MAMDC2: variants seen among roughly 807,000 people sequenced by gnomAD.
MAMDC2 encodes MAM domain-containing protein 2.
A neutral mutation model predicts 89.8 loss-of-function variants in MAMDC2; 57 were observed. The ratio of observed to expected loss-of-function variants is 0.63; its 90% CI spans 0.51 to 0.79. The LOEUF is 0.79. MAMDC2 is among the 30% of genes least tolerant of loss of function. The probability of loss-of-function intolerance (pLI) is 0.00; values close to 1 mark genes in which losing one functional copy is unlikely to be tolerated. For synonymous variants in MAMDC2, 313 were observed against 293.4 expected (o/e 1.07, Z -0.68); for missense variants, 800 against 820.6 (o/e 0.97, Z 0.31).
At chr9:70,206,543 C>A (rs1211390268) in intron 11 of MAMDC2, among the ~76,000 whole-genome samples, 1 of 152,108 alleles carries the variant, frequency 6.6e-6, no homozygotes. Context: ...ATAGTCCCCT[C>A]GATGTTACTC....
intron 2 of MAMDC2, among the ~76,000 whole-genome samples, chr9:70,061,382 C>G (rs953779429): frequency 2.0e-5 from 3 of 152,154 alleles, no homozygotes; most frequent in Admixed American, 2.0e-4. Flanking sequence ...TCCTGCCTCC[C>G]AAAGCACTGT....
At chr9:70,053,305 A>T (rs1244948128) in intron 2 of MAMDC2, among the ~76,000 whole-genome samples, 1 of 152,242 alleles carries the variant, frequency 6.6e-6, no homozygotes, top group Non-Finnish European at 1.5e-5. Context: ...AAGATAATAA[A>T]ACAAGTGGTA....
intron 9 of MAMDC2, among the ~76,000 whole-genome samples, chr9:70,164,009 C>T (rs183581676): frequency 1.7e-4 from 26 of 150,616 alleles, no homozygotes; most frequent in African/African-American, 6.3e-4. Context: ...AAGGACTGCA[C>T]ATAACAGGAA....
intron 11 of MAMDC2, among the ~76,000 whole-genome samples, chr9:70,185,667 C>A (rs1477550490): frequency 6.6e-6 from 1 of 152,172 alleles, no homozygotes; most frequent in African/African-American, 2.4e-5. Flanking sequence ...ACTTCCTGGC[C>A]TCCTTAGCAC....
In MAMDC2 at chr9:70,044,601, G is replaced by A. The variant is rs1317571530; in HGVS notation, c.52G>A (p.Ala18Thr). The change falls in exon 2 of 14, where the codon GCC becomes ACC. Residue 18 changes from alanine to threonine, a missense_variant. By Grantham distance (58) the Ala-to-Thr change is moderately conservative. Transcript: ENST00000377182. ...LALQALQLAG[A>T]LDLPAGSCAF... ...GCCCGCAGCCCTGCAGCTCGCCGGT[G>A]CCCTCGACCTGCCCGCTGGGTCCTG... 6.4e-7 allele frequency: 1 copy of A among 1,550,418 alleles called. No homozygotes were observed. The highest frequency in any genetic ancestry group is 1.2e-5 in the South Asian group (1 of 84,004).
chr9:70,140,812 C>G (rs2031188816), intron 8 of MAMDC2, among the ~76,000 whole-genome samples: 1 of 152,112 alleles, frequency 6.6e-6, no homozygotes, highest in Non-Finnish European at 1.5e-5. Flanking sequence ...GTATATTTTA[C>G]TATAATTTAA....
rs552709549 is a variant in MAMDC2 at position 70,168,629 on chromosome 9, G to T, written c.1405-73G>T. ...TGCCTATGCTCGCCTGCTGTGCTAA[G>T]TGAATCCCAGGTTGTTAGGAGTTTC... is the stretch of plus-strand genomic sequence containing the variant. On this transcript the variant is annotated intron_variant, in intron 9 of 13. Coordinates refer to ENST00000377182, the MANE Select transcript of MAMDC2 (RefSeq NM_153267.5). 3 of 1,238,350 alleles carry T rather than the reference G, an allele frequency of 2.4e-6. No homozygotes were observed. In the African/African-American group the frequency reaches 4.5e-5, roughly 18 times the overall value. The allele number at this position is 1,238,350 out of a possible 1,614,324, so 76.7% of individuals were successfully genotyped here. A position where few individuals can be genotyped will look rare whatever the true frequency, so the allele number is the denominator to read the frequency against.
At chr9:70,223,563 T>C (rs1174708565) in intron 12 of MAMDC2, among the ~76,000 whole-genome samples, 2 of 152,176 alleles carry the variant, frequency 1.3e-5, no homozygotes, top group Non-Finnish European at 2.9e-5. Context: ...GTTAAAACTT[T>C]GAATGACATT....
At position 70,178,325 on chromosome 9, in the gene MAMDC2, G is replaced by A. The variant is rs377724260; in HGVS notation, c.1651+7694G>A. 9.2e-5 allele frequency among the ~76,000 whole-genome samples: 14 copies of A among 152,246 alleles called. No homozygotes were observed. The South Asian group carries it at 2.9e-3, about 32-fold the overall frequency. On this transcript the variant is annotated intron_variant, in intron 11 of 13. Transcript: ENST00000377182. ...TCCCATGGTGGAAGGGGCAGAGAGAGGGTAAGGGAAAGAGCAAGAGGGAAC... is the reference window on the plus strand; with the variant it reads ...TCCCATGGTGGAAGGGGCAGAGAGAAGGTAAGGGAAAGAGCAAGAGGGAAC...
intron 2 of MAMDC2, among the ~76,000 whole-genome samples, chr9:70,060,822 A>T (rs1234889826): frequency 6.6e-6 from 1 of 152,076 alleles, no homozygotes; most frequent in East Asian, 1.9e-4. Context: ...TGTTTAAACA[A>T]TTGTCTTAAT....
At chr9:70,170,298 G>A (rs57251050) in intron 10 of MAMDC2, 181 bp from the exon 11 acceptor site, 5,052 of 499,332 alleles carry the variant, frequency 0.01, 188 homozygotes, top group African/African-American at 0.082. Flanking sequence ...GGCAGGACCC[G>A]CAGTGGAATG....
chr9:70,135,434 T>C (rs1219287446), intron 7 of MAMDC2, among the ~76,000 whole-genome samples: 1 of 152,160 alleles, frequency 6.6e-6, no homozygotes, highest in Non-Finnish European at 1.5e-5. Context: ...AGCAGCACTC[T>C]AGGTGAAAAA....
intron 11 of MAMDC2, among the ~76,000 whole-genome samples, chr9:70,186,342 T>G (rs944070883): frequency 4.5e-5 from 1 of 22,214 alleles, no homozygotes; most frequent in Non-Finnish European, 1.2e-4. Flanking sequence ...GGTGCATGTC[T>G]GCTGCTGATT....
rs77093237 is a variant in MAMDC2, at chr9:70,049,691, G to A, written c.148+4994G>A. 2.6e-3 allele frequency among the ~76,000 whole-genome samples: 393 copies of A among 152,294 alleles called. 3 individuals are homozygous for A. Among genetic ancestry groups the A allele is most frequent in the Non-Finnish European group, 3.6e-3 (244 of 68,020 alleles). ...GGGGCTGGAAATCGGCACAAGTCAG[G>A]GATGTTCCTTGACACCCTCTGGGAG... is the stretch of plus-strand genomic sequence containing the variant. On this transcript the variant is annotated intron_variant, in intron 2 of 13. Coordinates refer to ENST00000377182, the MANE Select transcript of MAMDC2 (RefSeq NM_153267.5).
intron 6 of MAMDC2, among the ~76,000 whole-genome samples, chr9:70,127,172 A>G (rs1334037665): frequency 6.6e-6 from 1 of 152,196 alleles, no homozygotes; most frequent in East Asian, 1.9e-4. Flanking sequence ...AGTACTGACT[A>G]TCCAGCCAAG....
chr9:70,120,513 C>G (rs994282930), intron 5 of MAMDC2, among the ~76,000 whole-genome samples: 1 of 152,192 alleles, frequency 6.6e-6, no homozygotes, highest in African/African-American at 2.4e-5. Context: ...CAGGGCAGCT[C>G]TAACCCAACT....
chr9:70,077,774 GT>G (rs1299649828), intron 2 of MAMDC2, among the ~76,000 whole-genome samples: 1 of 152,098 alleles, frequency 6.6e-6, no homozygotes, highest in Non-Finnish European at 1.5e-5. Flanking sequence ...TTTCTTATTG[GT>G]TTTCATGAAC....
rs917714380 is a variant in MAMDC2, at chr9:70,186,210, C to T, written c.1651+15579C>T. Among the ~76,000 whole-genome samples the T allele has an allele frequency of 9.2e-5, 14 of 152,192 alleles. 1 individual carries two copies. The East Asian group carries it at 2.7e-3, about 29-fold the overall frequency. On this transcript the variant is annotated intron_variant, in intron 11 of 13. Transcript: ENST00000377182. Reference sequence around the variant, plus strand: ...CATATTTCCCCATTCATCTTCATTCCTTTCTACATTTCCATGTTTATCTCT... The same window carrying T: ...CATATTTCCCCATTCATCTTCATTCTTTTCTACATTTCCATGTTTATCTCT...
At chr9:70,206,032 G>A (rs1465713121) in intron 11 of MAMDC2, among the ~76,000 whole-genome samples, 1 of 152,152 alleles carries the variant, frequency 6.6e-6, no homozygotes, top group Non-Finnish European at 1.5e-5. Flanking sequence ...TGCATCAAAG[G>A]GGCATACTCT....
Sources: allele counts gnomAD v4.1 joint callset (sites outside exome capture counted in the v4.1 genomes callset), GRCh38; gene constraint gnomAD v4.1.1; transcripts MANE v1.5; gene names NCBI Gene and HGNC (gene_info 2026-07-23, HGNC 2026-07-21).